The following NTNG1 variants were observed in gnomAD, a reference collection of about 807,000 sequenced individuals.
NTNG1 encodes netrin-G1.
In NTNG1, 16 loss-of-function variants were observed where a neutral mutation model predicts 54.0. The ratio of observed to expected loss-of-function variants is 0.30; its 90% CI spans 0.20 to 0.45. NTNG1 has a LOEUF of 0.45. Ranked by LOEUF, NTNG1 falls within the 20% of genes least tolerant of loss-of-function variation. The pLI, the probability that NTNG1 is intolerant of heterozygous loss-of-function variation, is 1.00. For synonymous variants in NTNG1, 255 were observed against 263.1 expected, an observed-to-expected ratio of 0.97 and a Z score of 0.30; for missense variants, 530 against 678.7, an observed-to-expected ratio of 0.78 and a Z score of 2.43.
rs756214749 is a variant in NTNG1 at position 107,430,685 on chromosome 1, C to T, written c.1088-65C>T. ...TTCTCCATCCCTCATTTTACCCAAG[C>T]ATGTAGTATGCTATTACTCTGCTAC... On this transcript the variant is annotated intron_variant, in intron 5 of 7. Coordinates refer to ENST00000370068, the MANE Select transcript of NTNG1 (RefSeq NM_001113226.3). 6 of 1,514,304 alleles carry T rather than the reference C, an allele frequency of 4.0e-6. No individual in the cohort carries two copies. In the South Asian group the frequency reaches 6.7e-5, roughly 17 times the overall value. 93.8% of individuals were successfully genotyped at this position (1,514,304 alleles called of 1,614,324 possible). A position where few individuals can be genotyped will look rare whatever the true frequency, so the allele number is the denominator to read the frequency against.
chr1:107,263,528 A>C (rs991720455), intron 2 of NTNG1, among the ~76,000 whole-genome samples: 5 of 152,166 alleles, frequency 3.3e-5, no homozygotes, highest in Admixed American at 3.3e-4. Context: ...AGATATTAGC[A>C]CTTTGGGGAG....
At chr1:107,170,623 C>A (rs1339840864) in intron 2 of NTNG1, among the ~76,000 whole-genome samples, 1 of 151,778 alleles carries the variant, frequency 6.6e-6, no homozygotes, top group Non-Finnish European at 1.5e-5. Flanking sequence ...TAATCTAAAC[C>A]CATTGGAAGT....
chr1:107,461,658 T>C (rs1311413068), intron 7 of NTNG1, among the ~76,000 whole-genome samples: 1 of 151,770 alleles, frequency 6.6e-6, no homozygotes, highest in Admixed American at 6.6e-5. Flanking sequence ...CTCAGCCTCC[T>C]GAGTAGCTGG....
At chr1:107,193,285 A>G (rs1176065702) in intron 2 of NTNG1, among the ~76,000 whole-genome samples, 1 of 151,902 alleles carries the variant, frequency 6.6e-6, no homozygotes, top group African/African-American at 2.4e-5. Context: ...ATATAATTTC[A>G]AGTTCTGCCT....
chr1:107,226,500 G>A (rs1387604466), intron 2 of NTNG1, among the ~76,000 whole-genome samples: 2 of 152,028 alleles, frequency 1.3e-5, no homozygotes, highest in Non-Finnish European at 2.9e-5. Context: ...CAGGGCAATC[G>A]CATGCAGACA....
chr1:107,436,972 A>G (rs1234554057), intron 7 of NTNG1, among the ~76,000 whole-genome samples, 173 bp downstream of exon 7: 1 of 152,180 alleles, frequency 6.6e-6, no homozygotes, highest in East Asian at 1.9e-4. Context: ...CAGCTGTCCA[A>G]CTGGCTTTTT....
intron 2 of NTNG1, among the ~76,000 whole-genome samples, chr1:107,235,830 A>T (rs1661374847): frequency 6.6e-6 from 1 of 152,164 alleles, no homozygotes; most frequent in African/African-American, 2.4e-5. Context: ...GAGGGAGATT[A>T]GCTATGCCCC....
chr1:107,190,434 A>G (rs913132344), intron 2 of NTNG1, among the ~76,000 whole-genome samples: 1 of 151,978 alleles, frequency 6.6e-6, no homozygotes, highest in South Asian at 2.1e-4. Flanking sequence ...TAAAAATTTT[A>G]TTATTATTAT....
intron 2 of NTNG1, among the ~76,000 whole-genome samples, chr1:107,179,129 T>C (rs745717640): frequency 1.3e-5 from 2 of 152,118 alleles, no homozygotes; most frequent in Non-Finnish European, 2.9e-5. Context: ...AGGGGGACAG[T>C]GAATAACTAG....
At chr1:107,190,355 A>G (rs1657808383) in intron 2 of NTNG1, among the ~76,000 whole-genome samples, 1 of 152,144 alleles carries the variant, frequency 6.6e-6, no homozygotes, top group African/African-American at 2.4e-5. Context: ...CAAAACAACA[A>G]CAACAAAGAG....
chr1:107,402,608 A>G (rs1281740085), intron 4 of NTNG1, among the ~76,000 whole-genome samples: 2 of 152,096 alleles, frequency 1.3e-5, no homozygotes, highest in African/African-American at 4.8e-5. Flanking sequence ...TTCACAGCAT[A>G]CATCTTTGAA....
intron 3 of NTNG1, among the ~76,000 whole-genome samples, chr1:107,352,051 T>TG (rs1250770037): frequency 6.6e-6 from 1 of 152,254 alleles, no homozygotes; most frequent in Non-Finnish European, 1.5e-5. Context: ...CCCAAAGCCA[T>TG]GGGCAGCTCC....
At chr1:107,315,712 A>C (rs1316476711) in intron 2 of NTNG1, among the ~76,000 whole-genome samples, 1 of 151,994 alleles carries the variant, frequency 6.6e-6, no homozygotes, top group Non-Finnish European at 1.5e-5. Context: ...GAACTCTGTG[A>C]TTTCCTTTTG....
At chr1:107,468,489 A>G (rs1320074107) in intron 7 of NTNG1, among the ~76,000 whole-genome samples, 1 of 152,206 alleles carries the variant, frequency 6.6e-6, no homozygotes, top group African/African-American at 2.4e-5. Flanking sequence ...TGTTTTACAA[A>G]TTTGTCTTCA....
rs576020004 is a variant in NTNG1 at position 107,205,301 on chromosome 1, C to T, written c.246+56462C>T. Among the ~76,000 whole-genome samples the T allele has an allele frequency of 2.6e-5, 4 of 152,192 alleles. No individual in the cohort carries two copies. The East Asian group carries it at 7.7e-4, about 29-fold the overall frequency. On this transcript the variant is annotated intron_variant, in intron 2 of 7. Transcript: ENST00000370068. ...CTGTGTCTCTTGGATATGCCTGTCT[C>T]CCCAAATTTCAGGGTGATGGTTTGC...
intron 3 of NTNG1, among the ~76,000 whole-genome samples, chr1:107,386,139 A>ATATACACATATATATAAT: frequency 9.8e-6 from 1 of 101,946 alleles, no homozygotes; most frequent in East Asian, 2.9e-4. Context: ...ATGTATATAT[A>ATATACACATATATATAAT]TATATGTGTG....
chr1:107,326,234 C>G (rs1440458496), intron 3 of NTNG1, among the ~76,000 whole-genome samples: 2 of 151,950 alleles, frequency 1.3e-5, no homozygotes, highest in African/African-American at 4.8e-5. Context: ...ATGGAAGAAT[C>G]AAAAGCCTTT....
intron 3 of NTNG1, among the ~76,000 whole-genome samples, chr1:107,332,155 C>T (rs1668321035): frequency 6.6e-6 from 1 of 151,994 alleles, no homozygotes; most frequent in Non-Finnish European, 1.5e-5. Flanking sequence ...AGAATATATG[C>T]ATAAGCAGCT....
chr1:107,327,301 G>A (rs373701869), intron 3 of NTNG1, among the ~76,000 whole-genome samples: 4 of 152,074 alleles, frequency 2.6e-5, no homozygotes, highest in Non-Finnish European at 5.9e-5. Context: ...CTGATGGCTC[G>A]GGCGTGTCTC....
Sources: allele counts gnomAD v4.1 joint callset (sites outside exome capture counted in the v4.1 genomes callset), GRCh38; gene constraint gnomAD v4.1.1; transcripts MANE v1.5; gene names NCBI Gene and HGNC (gene_info 2026-07-23, HGNC 2026-07-21).